Variants in TMTC2 observed in about 807,000 individuals in gnomAD.
TMTC2 encodes the protein transmembrane O-mannosyltransferase targeting cadherins 2.
TMTC2 carries 43 observed loss-of-function variants against 82.4 expected under a neutral mutation model. That is an observed-to-expected ratio of 0.52 (90% confidence interval 0.41 to 0.67). The LOEUF (loss-of-function observed/expected upper bound fraction) is 0.67, where lower values mean the gene tolerates loss of function less well. Among genes scored for constraint, TMTC2 ranks in the 30% least tolerant of loss-of-function variants. The pLI is 0.00. For synonymous variants in TMTC2, 408 were observed against 381.9 expected (o/e 1.07, Z -0.80); for missense variants, 919 against 1,012.4 (o/e 0.91, Z 1.25).
At chr12:82,714,873 A>G (rs1377233722) in intron 1 of TMTC2, among the ~76,000 whole-genome samples, 1 of 152,196 alleles carries the variant, frequency 6.6e-6, no homozygotes, top group Non-Finnish European at 1.5e-5. Flanking sequence ...GGACTTGAAC[A>G]TAGGTAGGGT....
chr12:82,981,142 A>G (rs557096512), intron 7 of TMTC2, among the ~76,000 whole-genome samples: 14 of 152,018 alleles, frequency 9.2e-5, no homozygotes, highest in Non-Finnish European at 2.1e-4. Context: ...CAATTACTGT[A>G]GGAGTTGAGG....
chr12:82,848,778 T>A (rs776826966), intron 1 of TMTC2, among the ~76,000 whole-genome samples: 1 of 152,080 alleles, frequency 6.6e-6, no homozygotes, highest in Non-Finnish European at 1.5e-5. Context: ...TAGCAAGCAG[T>A]CAGTGTTGTT....
At chr12:82,796,037 C>A (rs142484933) in intron 1 of TMTC2, among the ~76,000 whole-genome samples, 3 of 152,198 alleles carry the variant, frequency 2.0e-5, no homozygotes, top group Non-Finnish European at 4.4e-5. Flanking sequence ...ACCAGAACAC[C>A]AGAAACTTAG....
intron 1 of TMTC2, among the ~76,000 whole-genome samples, chr12:82,807,513 A>G (rs1338413260): frequency 6.6e-6 from 1 of 152,096 alleles, no homozygotes; most frequent in South Asian, 2.1e-4. Context: ...TGCACCAAAT[A>G]TGGACTTAGA....
chr12:82,708,764 C>T (rs1044841271), intron 1 of TMTC2, among the ~76,000 whole-genome samples: 12 of 152,218 alleles, frequency 7.9e-5, no homozygotes, highest in Non-Finnish European at 1.5e-5. Flanking sequence ...GCAGTTGTTT[C>T]CCAGCTGTCT....
intron 4 of TMTC2, among the ~76,000 whole-genome samples, chr12:82,959,184 A>C (rs543750441): frequency 8.7e-4 from 132 of 152,202 alleles, no homozygotes; most frequent in Admixed American, 1.2e-3. Context: ...CAGATGACAC[A>C]AACTATGGAA....
At position 82,905,039 on chromosome 12, in the gene TMTC2, G is replaced by C. The variant is rs1210905365; in HGVS notation, c.1483+8393G>C. The stretch of plus-strand genomic sequence containing the variant: ...TATTTTCCCTTCCCTACAGTATCTA[G>C]AACATTTCTTGGTATATAGTAGGGG... On this transcript the variant is annotated intron_variant, in intron 3 of 11. Coordinates refer to ENST00000321196, the MANE Select transcript of TMTC2 (RefSeq NM_152588.3). Among the ~76,000 whole-genome samples the C allele has an allele frequency of 2.1e-5, 3 of 140,622 alleles. 1 individual carries two copies. The South Asian group carries it at 6.7e-4, about 31-fold the overall frequency. The allele number at this position is 140,622 out of a possible 152,430, so 92.3% of individuals were successfully genotyped here.
intron 3 of TMTC2, among the ~76,000 whole-genome samples, chr12:82,926,855 G>T (rs1305300730): frequency 6.6e-6 from 1 of 152,164 alleles, no homozygotes; most frequent in Non-Finnish European, 1.5e-5. Flanking sequence ...TCTGTTTACA[G>T]CATGGCTTAC....
intron 11 of TMTC2, among the ~76,000 whole-genome samples, chr12:83,092,062 G>T (rs1592741089): frequency 6.6e-6 from 1 of 152,186 alleles, no homozygotes; most frequent in Non-Finnish European, 1.5e-5. Context: ...ATTTTTCAGG[G>T]GAAGGGAGAA....
intron 1 of TMTC2, among the ~76,000 whole-genome samples, chr12:82,779,091 T>A (rs1877759860): frequency 6.7e-6 from 1 of 149,768 alleles, no homozygotes; most frequent in Non-Finnish European, 1.5e-5. Context: ...GCTGAGTAGC[T>A]CTCTGGGCAA....
chr12:82,865,936 A>G (rs977883470), intron 2 of TMTC2, among the ~76,000 whole-genome samples: 3 of 152,246 alleles, frequency 2.0e-5, no homozygotes, highest in African/African-American at 7.2e-5. Context: ...AAATGAAGGC[A>G]GAAATAAAGA....
At chr12:82,840,845 T>A (rs868551502) in intron 1 of TMTC2, among the ~76,000 whole-genome samples, 6 of 152,238 alleles carry the variant, frequency 3.9e-5, no homozygotes, top group African/African-American at 1.2e-4. Flanking sequence ...AGTGGCGTGA[T>A]CTTGGCTCAC....
chr12:82,777,493 G>A (rs1742837501), intron 1 of TMTC2, among the ~76,000 whole-genome samples: 1 of 151,950 alleles, frequency 6.6e-6, no homozygotes, highest in Admixed American at 6.6e-5. Context: ...TTCTTTTTCA[G>A]GGTATTTTTT....
intron 11 of TMTC2, among the ~76,000 whole-genome samples, chr12:83,084,685 G>T (rs1415798486): frequency 1.3e-5 from 2 of 152,168 alleles, no homozygotes; most frequent in African/African-American, 4.8e-5. Context: ...GTCTGTGGAT[G>T]ACCTACTTGA....
rs923065956 is a variant in TMTC2, at chr12:82,812,711, GGTTT to G, written c.84-44294_84-44291del. Among the ~76,000 whole-genome samples the G allele has an allele frequency of 1.6e-4, 24 of 151,536 alleles. 1 individual carries two copies. Among genetic ancestry groups the G allele is most frequent in the African/African-American group, 4.8e-4 (20 of 41,382 alleles). On this transcript the variant is annotated intron_variant, in intron 1 of 11. Transcript: ENST00000321196. Reference sequence around the variant, plus strand: ...TTAGATTTTTATTTTTGACTAACTCGGTTTGTTTCTCTCCCTCTTCCATTTTCTT... The same window carrying G: ...TTAGATTTTTATTTTTGACTAACTCGGTTTCTCTCCCTCTTCCATTTTCTT...
intron 1 of TMTC2, among the ~76,000 whole-genome samples, chr12:82,766,962 A>G (rs953235210): frequency 6.6e-5 from 10 of 152,100 alleles, no homozygotes; most frequent in Non-Finnish European, 1.2e-4. Context: ...CCACACCCAG[A>G]TAATTTTTTT....
chr12:82,692,102 C>G (rs943887113), intron 1 of TMTC2, among the ~76,000 whole-genome samples: 1 of 152,146 alleles, frequency 6.6e-6, no homozygotes, highest in Non-Finnish European at 1.5e-5. Context: ...CTCCATTGAG[C>G]CTGTCACATG....
At chr12:82,769,081 C>T (rs936050847) in intron 1 of TMTC2, among the ~76,000 whole-genome samples, 5 of 151,008 alleles carry the variant, frequency 3.3e-5, no homozygotes, top group African/African-American at 1.2e-4. Flanking sequence ...CTAGCTCAAG[C>T]CCCAGCTCAC....
chr12:83,092,567 T>C (rs899093507), intron 11 of TMTC2, among the ~76,000 whole-genome samples: 1 of 152,208 alleles, frequency 6.6e-6, no homozygotes, highest in East Asian at 1.9e-4. Flanking sequence ...CCAGATTGTA[T>C]TGGGGAACCA....
Sources: allele counts gnomAD v4.1 joint callset (sites outside exome capture counted in the v4.1 genomes callset), GRCh38; gene constraint gnomAD v4.1.1; transcripts MANE v1.5; gene names NCBI Gene and HGNC (gene_info 2026-07-23, HGNC 2026-07-21).